Variants in CACNA2D3 observed in about 807,000 individuals in gnomAD.
The protein encoded by CACNA2D3 is voltage-dependent calcium channel subunit alpha-2/delta-3.
Under a neutral mutation model 160.6 loss-of-function variants are expected in CACNA2D3, and 60 were observed. The ratio of observed to expected loss-of-function variants is 0.37; its 90% CI spans 0.30 to 0.46. CACNA2D3 has a LOEUF of 0.46. CACNA2D3 is among the 20% of genes least tolerant of loss of function. The pLI, the probability that CACNA2D3 is intolerant of heterozygous loss-of-function variation, is 1.00. For synonymous variants in CACNA2D3, 558 were observed against 492.9 expected (o/e 1.13, Z -1.75); for missense variants, 1,205 against 1,365.0 (o/e 0.88, Z 1.85).
intron 23 of CACNA2D3, among the ~76,000 whole-genome samples, chr3:54,886,808 A>G (rs1331276057): frequency 6.6e-6 from 1 of 151,758 alleles, no homozygotes; most frequent in Non-Finnish European, 1.5e-5. Context: ...TATATTTTTG[A>G]AATTTGTGTT....
chr3:54,791,383 A>C (rs1457421566), intron 13 of CACNA2D3, among the ~76,000 whole-genome samples: 1 of 152,250 alleles, frequency 6.6e-6, no homozygotes, highest in Non-Finnish European at 1.5e-5. Flanking sequence ...AGACAGAAAT[A>C]TGGAGGGAAA....
intron 4 of CACNA2D3, among the ~76,000 whole-genome samples, chr3:54,460,940 G>A (rs956925360): frequency 1.2e-4 from 18 of 152,262 alleles, no homozygotes; most frequent in Non-Finnish European, 2.4e-4. Context: ...ATTATTTTGA[G>A]ATACGTCCCA....
chr3:54,795,112 T>C (rs973669502), intron 13 of CACNA2D3, among the ~76,000 whole-genome samples: 10 of 152,292 alleles, frequency 6.6e-5, no homozygotes, highest in African/African-American at 2.4e-4. Context: ...TCATTTCTTA[T>C]TGTTTCTATT....
chr3:55,001,202 C>A (rs1161990568), intron 31 of CACNA2D3, among the ~76,000 whole-genome samples: 2 of 152,202 alleles, frequency 1.3e-5, no homozygotes, highest in African/African-American at 4.8e-5. Context: ...AACACCAGCA[C>A]AGCTTCTGAT....
At position 54,689,010 on chromosome 3, in the gene CACNA2D3, A is replaced by AG. The variant is rs368785187; in HGVS notation, c.1167+46769_1167+46770insG. Among the ~76,000 whole-genome samples, 289 of 85,450 alleles carry AG rather than the reference A, an allele frequency of 3.4e-3. 71 individuals carry two copies. The highest frequency in any genetic ancestry group is 9.7e-3 in the African/African-American group (222 of 22,980). The allele number at this position is 85,450 out of a possible 152,430, so 56.1% of individuals were successfully genotyped here. On this transcript the variant is annotated intron_variant, in intron 11 of 37. Coordinates refer to ENST00000474759, the MANE Select transcript of CACNA2D3 (RefSeq NM_018398.3). ...AAAAAAAAAAAAAAAAAAAAAAAAA[A>AG]AGAATGAGGTTGTATACATAAAGCA...
At chr3:54,286,766 C>G (rs1231404415) in intron 2 of CACNA2D3, among the ~76,000 whole-genome samples, 2 of 152,056 alleles carry the variant, frequency 1.3e-5, no homozygotes, top group African/African-American at 4.8e-5. Flanking sequence ...GAGTGGGGGC[C>G]AATATTCAAC....
intron 27 of CACNA2D3, among the ~76,000 whole-genome samples, chr3:54,917,027 A>G (rs1172310909): frequency 6.6e-6 from 1 of 152,182 alleles, no homozygotes; most frequent in Non-Finnish European, 1.5e-5. Flanking sequence ...TGCTTTTAAC[A>G]TGTCCATAAC....
rs1436036640 is a variant in CACNA2D3 at position 54,122,750 on chromosome 3, G to T, written c.37G>T (p.Gly13Trp). ...GGGCTCGCCGCGCCGCGCGTCCCGG[G>T]GGGCCTCGGCGCTTCTCGCTGCCGC... is the stretch of plus-strand genomic sequence containing the variant. ...GPGSPRRASR[G>W]ASALLAAALL... The change falls in exon 1 of 38, where the codon GGG (glycine) becomes TGG (tryptophan). Residue 13 changes from glycine to tryptophan, a missense_variant. Coordinates refer to ENST00000474759, the MANE Select transcript of CACNA2D3 (RefSeq NM_018398.3). 4 of 1,220,530 alleles carry T rather than the reference G, an allele frequency of 3.3e-6. No homozygotes were observed. Among genetic ancestry groups the T allele is most frequent in the Non-Finnish European group, 4.1e-6 (4 of 978,602 alleles). The allele number at this position is 1,220,530 out of a possible 1,614,324, so 75.6% of individuals were successfully genotyped here.
chr3:54,380,989 C>A (rs1293876798), intron 3 of CACNA2D3, among the ~76,000 whole-genome samples: 1 of 152,086 alleles, frequency 6.6e-6, no homozygotes, highest in Non-Finnish European at 1.5e-5. Flanking sequence ...ATTTGAGTTC[C>A]CCCCATTTGA....
intron 11 of CACNA2D3, among the ~76,000 whole-genome samples, chr3:54,646,521 G>A (rs185245371): frequency 2.3e-4 from 35 of 152,056 alleles, no homozygotes; most frequent in African/African-American, 7.7e-4. Flanking sequence ...TCCTGCATTA[G>A]TTTGCTGAGG....
intron 31 of CACNA2D3, among the ~76,000 whole-genome samples, chr3:54,990,931 C>G (rs1451408524): frequency 6.6e-6 from 1 of 152,192 alleles, no homozygotes; most frequent in Non-Finnish European, 1.5e-5. Context: ...GCAAAATTGA[C>G]CACTCTTGGG....
chr3:54,250,178 A>C (rs967146485), intron 2 of CACNA2D3, among the ~76,000 whole-genome samples: 15 of 152,160 alleles, frequency 9.9e-5, no homozygotes, highest in African/African-American at 3.6e-4. Context: ...ATTTCCAGGC[A>C]AAATCCTGAT....
At position 54,726,706 on chromosome 3, in the gene CACNA2D3, G is replaced by C. The variant is rs200873458; in HGVS notation, c.1168-25893G>C. On this transcript the variant is annotated intron_variant, in intron 11 of 37. Coordinates refer to ENST00000474759, the MANE Select transcript of CACNA2D3 (RefSeq NM_018398.3). ...TAAATGTTGTTGGTAAAACTGGCTA[G>C]CCATATGCAGAAAACTGAAACTGGA... Among the ~76,000 whole-genome samples the C allele has an allele frequency of 4.6e-5, 7 of 152,286 alleles. No individual in the cohort carries two copies. In the East Asian group the frequency reaches 1.4e-3, roughly 29 times the overall value.
intron 27 of CACNA2D3, among the ~76,000 whole-genome samples, chr3:54,923,915 A>G (rs575558032): frequency 6.6e-6 from 1 of 152,334 alleles, no homozygotes; most frequent in East Asian, 1.9e-4. Context: ...GTGCAAAGCA[A>G]CCACTCACTC....
chr3:54,898,146 TTCTTTC>T (rs1700237325), intron 26 of CACNA2D3, among the ~76,000 whole-genome samples: 1 of 144,694 alleles, frequency 6.9e-6, no homozygotes, highest in Non-Finnish European at 1.5e-5. Context: ...TCTTTTTTCT[TTCTTTC>T]TTTCTTTATC....
At chr3:54,789,957 C>T in intron 13 of CACNA2D3, 1 of 448,678 alleles carries the variant, frequency 2.2e-6, no homozygotes, top group South Asian at 1.6e-5. Flanking sequence ...CAAAGAATTG[C>T]AATATGGAGC....
At chr3:54,551,057 C>T (rs1356626204) in intron 5 of CACNA2D3, among the ~76,000 whole-genome samples, 8 of 152,226 alleles carry the variant, frequency 5.3e-5, no homozygotes, top group Non-Finnish European at 1.2e-4. Context: ...GAGGAATCCA[C>T]TCCTCTTGAG....
chr3:54,354,658 A>G (rs769369813), intron 3 of CACNA2D3, among the ~76,000 whole-genome samples: 1 of 152,184 alleles, frequency 6.6e-6, no homozygotes, highest in Non-Finnish European at 1.5e-5. Context: ...AAACAGGCAA[A>G]ATGATTTAAC....
At chr3:54,610,510 G>T (rs1034763933) in intron 9 of CACNA2D3, among the ~76,000 whole-genome samples, 1 of 151,920 alleles carries the variant, frequency 6.6e-6, no homozygotes, top group Non-Finnish European at 1.5e-5. Flanking sequence ...TGGGTGATGG[G>T]TGTTAATGCA....
Sources: allele counts gnomAD v4.1 joint callset (sites outside exome capture counted in the v4.1 genomes callset), GRCh38; gene constraint gnomAD v4.1.1; transcripts MANE v1.5; gene names NCBI Gene and HGNC (gene_info 2026-07-23, HGNC 2026-07-21).